SMARCAD1: variants seen among roughly 807,000 people sequenced by gnomAD.
SMARCAD1 encodes SWI/SNF-related matrix-associated actin-dependent regulator of chromatin subfamily A containing DEAD/H box 1.
In SMARCAD1, 25 loss-of-function variants were observed where a neutral mutation model predicts 127.1. That is an observed-to-expected ratio of 0.20 (90% confidence interval 0.14 to 0.27). The LOEUF is 0.27. Among genes scored for constraint, SMARCAD1 ranks in the 10% least tolerant of loss-of-function variants. The pLI is 1.00. For missense variants in SMARCAD1, 807 were observed against 1,206.0 expected, an observed-to-expected ratio of 0.67 and a Z score of 4.90; for synonymous variants, 400 against 396.9, an observed-to-expected ratio of 1.01 and a Z score of -0.09.
chr4:94,223,226 A>G (rs1579043082), intron 2 of SMARCAD1, among the ~76,000 whole-genome samples: 1 of 151,812 alleles, frequency 6.6e-6, no homozygotes, highest in East Asian at 2.0e-4. Context: ...CGGGCGTGGT[A>G]GCTCACATCT....
At chr4:94,281,441 C>CA in intron 20 of SMARCAD1, 31 bp from the exon 21 acceptor site, 1 of 1,457,200 alleles carries the variant, frequency 6.9e-7, no homozygotes, top group Non-Finnish European at 9.6e-7. Context: ...ACGATTTTTT[C>CA]TATTTCTAAT....
chr4:94,278,509 AAAG>A lies in SMARCAD1; in HGVS notation c.2175_2177del (p.Glu726del), dbSNP rs1560565553. The A allele has an allele frequency of 6.2e-7, 1 of 1,612,868 alleles. No homozygotes were observed. Among genetic ancestry groups the A allele is most frequent in the Non-Finnish European group, 8.5e-7 (1 of 1,178,982 alleles). On this transcript the variant is annotated inframe_deletion, in exon 17 of 24. Coordinates refer to ENST00000354268, the MANE Select transcript of SMARCAD1 (RefSeq NM_020159.5). ...AAAGCCATTTATTCTCAGAAGAGTA[AAAG>A]AAGAGGTAATGCATATCTACATGTT...
At position 94,234,109 on chromosome 4, in the gene SMARCAD1, A is replaced by C; in HGVS notation, c.524A>C (p.Asn175Thr). ...GAACTTTTTCCACAAAGAAGTGACA[A>C]TGATTTACTTAAGGTTATATTCATT... ...LKELFPQRSD[N>T]DLLKLIESTS... The change falls in exon 4 of 24, where the codon AAT becomes ACT. Residue 175 changes from asparagine to threonine, a missense_variant. Asn to Thr is a moderately conservative substitution (Grantham distance 65). Coordinates refer to ENST00000354268, the MANE Select transcript of SMARCAD1 (RefSeq NM_020159.5). 6 of 1,604,846 alleles carry C rather than the reference A, an allele frequency of 3.7e-6. No homozygotes were observed. Among genetic ancestry groups the C allele is most frequent in the Non-Finnish European group, 5.1e-6 (6 of 1,174,648 alleles).
chr4:94,266,299 T>A (rs894408646), intron 10 of SMARCAD1, among the ~76,000 whole-genome samples: 1 of 152,160 alleles, frequency 6.6e-6, no homozygotes, highest in African/African-American at 2.4e-5. Context: ...TGCATCACTT[T>A]AAAAATTTCT....
At chr4:94,265,690 A>T (rs1002194058) in intron 10 of SMARCAD1, among the ~76,000 whole-genome samples, 10 of 151,566 alleles carry the variant, frequency 6.6e-5, no homozygotes, top group African/African-American at 1.9e-4. Context: ...TTCCCTTTTT[A>T]AAAAAAATAA....
intron 21 of SMARCAD1, 43 bp from the exon 22 acceptor site, chr4:94,283,078 A>T: frequency 1.3e-6 from 2 of 1,516,456 alleles, no homozygotes; most frequent in Non-Finnish European, 1.8e-6. Context: ...ATTACATTAT[A>T]CAACTTTTTA....
chr4:94,250,445 C>G (rs558268778), intron 7 of SMARCAD1, among the ~76,000 whole-genome samples: 9 of 152,176 alleles, frequency 5.9e-5, no homozygotes, highest in Admixed American at 1.3e-4. Flanking sequence ...AAAAGCCTAG[C>G]TGCATATTGA....
intron 10 of SMARCAD1, among the ~76,000 whole-genome samples, chr4:94,270,069 G>A (rs1046031147): frequency 6.6e-6 from 1 of 151,448 alleles, no homozygotes; most frequent in African/African-American, 2.4e-5. Context: ...ACACTTGAAT[G>A]CTACTTTCTA....
At chr4:94,282,103 T>G (rs10011936) in intron 21 of SMARCAD1, among the ~76,000 whole-genome samples, 1 of 45,774 alleles carries the variant, frequency 2.2e-5, no homozygotes, top group African/African-American at 7.3e-5. Flanking sequence ...TTTTTTTGTT[T>G]TTTTTTTTTT....
Position 94,278,403 on chromosome 4 carries a change from A to G in SMARCAD1, c.2083-19A>G. ...TTAAGTGAATAATTCCTAAAAGGAT[A>G]TGTTTTTATTTTGCTCAGAAATCAG... On this transcript the variant is annotated intron_variant, in intron 16 of 23. Transcript: ENST00000354268. 1 of 1,579,760 alleles carries G rather than the reference A, an allele frequency of 6.3e-7. No homozygotes were observed. The highest frequency in any genetic ancestry group is 8.7e-7 in the Non-Finnish European group (1 of 1,148,934).
At chr4:94,208,311 T>A (rs780144414) in intron 1 of SMARCAD1, 35 bp from the exon 2 acceptor site, 3 of 1,416,632 alleles carry the variant, frequency 2.1e-6, no homozygotes, top group African/African-American at 2.8e-5. Flanking sequence ...ATTGTTTTCA[T>A]GGCCTTTTTT....
intron 9 of SMARCAD1, among the ~76,000 whole-genome samples, chr4:94,256,393 G>A (rs562647892): frequency 2.2e-4 from 33 of 152,070 alleles, no homozygotes; most frequent in African/African-American, 6.8e-4. Context: ...ACAGAGTTTC[G>A]CTCTTGTCAC....
chr4:94,253,401 A>C (rs1308131522), intron 9 of SMARCAD1: 5 of 1,260,274 alleles, frequency 4.0e-6, no homozygotes, highest in Middle Eastern at 2.2e-4. Context: ...ATTTTACTAC[A>C]ACTACTTGAA....
intron 3 of SMARCAD1, among the ~76,000 whole-genome samples, chr4:94,231,802 C>T (rs1745885023): frequency 6.6e-6 from 1 of 151,884 alleles, no homozygotes; most frequent in East Asian, 1.9e-4. Context: ...ATGGGCCACT[C>T]CCCTTTTCTG....
rs192354080 is a variant in SMARCAD1 at position 94,281,433 on chromosome 4, G to A, written c.2608-39G>A. ...CTGTCAAGGCTTTGAGTAGTAAAAC[G>A]ATTTTTTCTATTTCTAATTCATGTA... On this transcript the variant is annotated intron_variant, in intron 20 of 23. Transcript: ENST00000354268. 9.6e-4 allele frequency: 1,355 copies of A among 1,406,406 alleles called. 1 individual carries two copies. The highest frequency in any genetic ancestry group is 2.4e-3 in the Admixed American group (142 of 59,748). The allele number at this position is 1,406,406 out of a possible 1,614,324, so 87.1% of individuals were successfully genotyped here.
intron 6 of SMARCAD1, among the ~76,000 whole-genome samples, chr4:94,241,452 CT>C (rs1747559751): frequency 6.6e-6 from 1 of 152,212 alleles, no homozygotes; most frequent in South Asian, 2.1e-4. Context: ...TTAGGTCCCA[CT>C]CTAATGACCT....
chr4:94,246,785 A>G (rs1748497224), intron 6 of SMARCAD1, among the ~76,000 whole-genome samples: 1 of 152,176 alleles, frequency 6.6e-6, no homozygotes, highest in Non-Finnish European at 1.5e-5. Flanking sequence ...TGAGTACTGT[A>G]TTATTTGAGA....
intron 21 of SMARCAD1, among the ~76,000 whole-genome samples, chr4:94,282,095 TTTTTG>T (rs1754128879): frequency 1.0e-4 from 1 of 9,980 alleles, no homozygotes; most frequent in African/African-American, 1.6e-4. Context: ...CAAATACGTT[TTTTTG>T]TTTTTTTTTT....
At chr4:94,241,797 G>A (rs1029755282) in intron 6 of SMARCAD1, among the ~76,000 whole-genome samples, 4 of 152,110 alleles carry the variant, frequency 2.6e-5, no homozygotes, top group Non-Finnish European at 4.4e-5. Flanking sequence ...TCTTGGTGTA[G>A]AAAGTCTTAC....
Sources: allele counts gnomAD v4.1 joint callset (sites outside exome capture counted in the v4.1 genomes callset), GRCh38; gene constraint gnomAD v4.1.1; transcripts MANE v1.5; gene names NCBI Gene and HGNC (gene_info 2026-07-23, HGNC 2026-07-21).